The following ASCC3 variants were observed in gnomAD, a reference collection of about 807,000 sequenced individuals.
ASCC3 encodes the protein activating signal cointegrator 1 complex subunit 3.
In ASCC3, 158 loss-of-function variants were observed where a neutral mutation model predicts 256.3. The observed-to-expected ratio is 0.62, with a 90% CI of 0.54 to 0.70. The LOEUF (loss-of-function observed/expected upper bound fraction) is 0.70, where lower values mean the gene tolerates loss of function less well. Among genes scored for constraint, ASCC3 ranks in the 30% least tolerant of loss-of-function variants. ASCC3 has a pLI of 0.00. For missense variants in ASCC3, 2,259 were observed against 2,626.0 expected (o/e 0.86, Z 3.05); for synonymous variants, 948 against 883.4 (o/e 1.07, Z -1.30).
rs557445803 is a variant in ASCC3, at chr6:100,628,819, T to C, written c.4375+196A>G. Among the ~76,000 whole-genome samples, 3 of 152,250 alleles carry C rather than the reference T, an allele frequency of 2.0e-5. No individual in the cohort carries two copies. The South Asian group carries it at 6.2e-4, about 32-fold the overall frequency. ...ATACACTAAGAGAAAATTTTTTATG[T>C]TTCACCTCAATTTATATGTAAGGTG... On this transcript the variant is annotated intron_variant, in intron 27 of 41. Transcript: ENST00000369162.
intron 4 of ASCC3, among the ~76,000 whole-genome samples, chr6:100,825,302 G>A (rs1450680615): frequency 6.7e-6 from 1 of 148,946 alleles, no homozygotes; most frequent in Non-Finnish European, 1.5e-5. Context: ...TAGCCCATCG[G>A]CTAAAAAAGC....
intron 13 of ASCC3, among the ~76,000 whole-genome samples, chr6:100,684,401 C>T (rs980628777): frequency 2.0e-5 from 3 of 152,156 alleles, no homozygotes; most frequent in Non-Finnish European, 4.4e-5. Context: ...CAGATTGCTG[C>T]TGTTTCCCCC....
chr6:100,804,979 C>T (rs192025730), intron 5 of ASCC3, among the ~76,000 whole-genome samples: 6 of 152,140 alleles, frequency 3.9e-5, no homozygotes, highest in Admixed American at 3.3e-4. Context: ...CTATTCACAA[C>T]AGGAAAGACA....
chr6:100,592,479 T>G (rs193041699), intron 34 of ASCC3, among the ~76,000 whole-genome samples: 43 of 152,178 alleles, frequency 2.8e-4, no homozygotes, highest in Admixed American at 1.2e-3. Context: ...AGTAAGATAT[T>G]GTTACATCTT....
Position 100,686,040 on chromosome 6 carries a change from TG to T in ASCC3, c.2152-6289del, listed in dbSNP as rs554258108. Among the ~76,000 whole-genome samples the T allele has an allele frequency of 1.5e-3, 231 of 152,366 alleles. 1 individual carries two copies. The highest frequency in any genetic ancestry group is 5.1e-3 in the African/African-American group (211 of 41,580). ...AGCCTGGCATACAGCAAATACTCAA[TG>T]TGTCTTAAGTAAATATAACACATTG... On this transcript the variant is annotated intron_variant, in intron 13 of 41. Transcript: ENST00000369162.
intron 13 of ASCC3, among the ~76,000 whole-genome samples, chr6:100,687,984 C>T (rs1777664315): frequency 6.6e-6 from 1 of 150,430 alleles, no homozygotes; most frequent in Admixed American, 6.6e-5. Flanking sequence ...TAAAGGAAAT[C>T]ATTCATTTCA....
At chr6:100,709,710 A>G (rs1778778976) in intron 13 of ASCC3, among the ~76,000 whole-genome samples, 1 of 152,156 alleles carries the variant, frequency 6.6e-6, no homozygotes, top group African/African-American at 2.4e-5. Flanking sequence ...AACTGTATAT[A>G]TGGTATAATT....
chr6:100,685,658 T>C (rs1422882143), intron 13 of ASCC3, among the ~76,000 whole-genome samples: 1 of 152,158 alleles, frequency 6.6e-6, no homozygotes, highest in Non-Finnish European at 1.5e-5. Flanking sequence ...TCTGAAGAAG[T>C]GGGAAAACAG....
intron 3 of ASCC3, among the ~76,000 whole-genome samples, chr6:100,853,784 T>C (rs1304760379): frequency 2.0e-5 from 3 of 152,166 alleles, no homozygotes; most frequent in African/African-American, 7.2e-5. Context: ...AATTTAGAAG[T>C]TGTCAACAAA....
intron 13 of ASCC3, among the ~76,000 whole-genome samples, chr6:100,706,126 C>T (rs1209878457): frequency 6.6e-6 from 1 of 151,688 alleles, no homozygotes; most frequent in Admixed American, 6.6e-5. Context: ...TATAGTTAGA[C>T]TTCTCAGTCA....
intron 8 of ASCC3, among the ~76,000 whole-genome samples, chr6:100,780,888 T>A (rs1782412624): frequency 6.6e-6 from 1 of 152,222 alleles, no homozygotes; most frequent in Admixed American, 6.5e-5. Context: ...TCATTACTCA[T>A]CTTTATTAAA....
chr6:100,663,350 T>A (rs1776317101), intron 14 of ASCC3, among the ~76,000 whole-genome samples: 1 of 152,086 alleles, frequency 6.6e-6, no homozygotes, highest in Non-Finnish European at 1.5e-5. Context: ...TTAAGTTACA[T>A]GCTCTTCTGA....
At chr6:100,778,082 T>C (rs975168481) in intron 8 of ASCC3, among the ~76,000 whole-genome samples, 18 of 131,818 alleles carry the variant, frequency 1.4e-4, no homozygotes, top group African/African-American at 4.7e-4. Context: ...GATCTGATGA[T>C]GACTTAAATG....
At chr6:100,513,485 G>C (rs1208808931) in intron 39 of ASCC3, among the ~76,000 whole-genome samples, 3 of 152,072 alleles carry the variant, frequency 2.0e-5, no homozygotes, top group African/African-American at 7.2e-5. Flanking sequence ...AAATATTTTT[G>C]TAATTCAATT....
chr6:100,534,615 T>TA (rs1775073553), intron 37 of ASCC3, among the ~76,000 whole-genome samples: 1 of 152,234 alleles, frequency 6.6e-6, no homozygotes, highest in South Asian at 2.1e-4. Context: ...AAAATTGAGA[T>TA]ATGCATAGTA....
At chr6:100,608,887 C>T (rs1164004309) in intron 30 of ASCC3, among the ~76,000 whole-genome samples, 1 of 144,544 alleles carries the variant, frequency 6.9e-6, no homozygotes, top group African/African-American at 2.6e-5. Context: ...CCTCAGCCTC[C>T]CGAGTAGCTG....
Position 100,631,026 on chromosome 6 carries a change from T to C in ASCC3, c.4208+102A>G, listed in dbSNP as rs575318170. On this transcript the variant is annotated intron_variant, in intron 26 of 41. Coordinates refer to ENST00000369162, the MANE Select transcript of ASCC3 (RefSeq NM_006828.4). ...CATTCAGCAGTTAAATAAAAGACTATGAAAATCACTGTAAAACCATTCAAC... is the reference window on the plus strand; with the variant it reads ...CATTCAGCAGTTAAATAAAAGACTACGAAAATCACTGTAAAACCATTCAAC... 8 of 833,030 alleles carry C rather than the reference T, an allele frequency of 9.6e-6. No homozygotes were observed. In the East Asian group the frequency reaches 1.6e-4, roughly 17 times the overall value. The allele number at this position is 833,030 out of a possible 1,614,324, so 51.6% of individuals were successfully genotyped here. A position where few individuals can be genotyped will look rare whatever the true frequency, so the allele number is the denominator to read the frequency against.
At chr6:100,819,373 A>G (rs1362330613) in intron 4 of ASCC3, among the ~76,000 whole-genome samples, 1 of 152,212 alleles carries the variant, frequency 6.6e-6, no homozygotes, top group Non-Finnish European at 1.5e-5. Context: ...GGATCTCTAG[A>G]GGAACAGGAC....
intron 10 of ASCC3, among the ~76,000 whole-genome samples, chr6:100,762,903 T>A (rs1781480440): frequency 6.6e-6 from 1 of 151,984 alleles, no homozygotes; most frequent in Admixed American, 6.6e-5. Context: ...TTCCTATATT[T>A]AAAAAAAGAT....
Sources: gnomAD v4.1 joint callset for allele counts (sites outside exome capture counted in the v4.1 genomes callset) on GRCh38, gnomAD v4.1.1 for gene constraint, MANE v1.5 for transcripts, NCBI Gene and HGNC (gene_info 2026-07-23, HGNC 2026-07-21) for gene names.